SLC24A2: variants seen among roughly 807,000 people sequenced by gnomAD.
SLC24A2 encodes the protein solute carrier family 24 member 2.
SLC24A2 carries 36 observed loss-of-function variants against 62.0 expected under a neutral mutation model. That is an observed-to-expected ratio of 0.58 (90% CI 0.44 to 0.77). The LOEUF (loss-of-function observed/expected upper bound fraction) is 0.77. Among genes scored for constraint, SLC24A2 ranks in the 30% least tolerant of loss-of-function variants. The probability of loss-of-function intolerance (pLI) is 0.00; values close to 1 mark genes in which losing one functional copy is unlikely to be tolerated. For missense variants in SLC24A2, 846 were observed against 817.9 expected, an observed-to-expected ratio of 1.03 and a Z score of -0.42; for synonymous variants, 358 against 294.0, an observed-to-expected ratio of 1.22 and a Z score of -2.23.
chr9:20,212,772 A>T, the SLC24A2 span, among the ~76,000 whole-genome samples: 1 of 151,274 alleles, frequency 6.6e-6, no homozygotes, highest in Admixed American at 6.6e-5. Flanking sequence ...TAACAAAACA[A>T]GTATGTATAT....
the SLC24A2 span, among the ~76,000 whole-genome samples, chr9:20,066,782 A>C: frequency 6.6e-6 from 1 of 152,226 alleles, no homozygotes; most frequent in Non-Finnish European, 1.5e-5. Flanking sequence ...ACCTCCCCTC[A>C]GCAAAATGAC....
rs578065355 is a variant in SLC24A2 at position 19,516,445 on chromosome 9, G to T, written c.1737-43C>A. On this transcript the variant is annotated intron_variant, in intron 10 of 10. Transcript: ENST00000341998. ...AGGGCAGAGGGGAGTGGGAAGACAA[G>T]GGAGTAGTCAGACACGTTGAAGAAG... is the stretch of plus-strand genomic sequence containing the variant. The T allele has an allele frequency of 2.4e-5, 38 of 1,608,720 alleles. No individual in the cohort carries two copies. In the African/African-American group the frequency reaches 3.9e-4, roughly 16 times the overall value.
At chr9:20,282,239 G>T in the SLC24A2 span, among the ~76,000 whole-genome samples, 1 of 152,004 alleles carries the variant, frequency 6.6e-6, no homozygotes, top group Non-Finnish European at 1.5e-5. Flanking sequence ...TATCAAATAG[G>T]CCCCAAGAAA....
chr9:20,019,119 A>G, the SLC24A2 span, among the ~76,000 whole-genome samples: 104 of 56,898 alleles, frequency 1.8e-3, no homozygotes, highest in East Asian at 0.013. Context: ...GAAAGAAAGA[A>G]AGAAAGAAAG....
At chr9:20,140,812 G>C in the SLC24A2 span, among the ~76,000 whole-genome samples, 1 of 152,172 alleles carries the variant, frequency 6.6e-6, no homozygotes. Flanking sequence ...TACTGTGTGA[G>C]TCTGCTGCTA....
At chr9:20,273,332 G>T in the SLC24A2 span, among the ~76,000 whole-genome samples, 2 of 152,268 alleles carry the variant, frequency 1.3e-5, no homozygotes, top group South Asian at 2.1e-4. Context: ...CTTATTCCCA[G>T]AGAAAAGAAA....
the SLC24A2 span, among the ~76,000 whole-genome samples, chr9:20,207,149 T>C: frequency 6.6e-6 from 1 of 152,356 alleles, no homozygotes; most frequent in East Asian, 1.9e-4. Flanking sequence ...CTTTAGTACC[T>C]GAAATTTTCT....
the SLC24A2 span, among the ~76,000 whole-genome samples, chr9:20,282,257 C>T: frequency 6.6e-5 from 10 of 152,080 alleles, no homozygotes. Context: ...AAACCTTTTC[C>T]CAGAAAAGGA....
the SLC24A2 span, among the ~76,000 whole-genome samples, chr9:20,193,940 T>C: frequency 6.6e-6 from 1 of 152,096 alleles, no homozygotes; most frequent in African/African-American, 2.4e-5. Context: ...GACTTTAAGA[T>C]TTATCAAAGA....
chr9:20,117,433 T>C, the SLC24A2 span, among the ~76,000 whole-genome samples: 1 of 152,104 alleles, frequency 6.6e-6, no homozygotes, highest in Non-Finnish European at 1.5e-5. Context: ...AGCTATGTCT[T>C]TACTATGACA....
the SLC24A2 span, among the ~76,000 whole-genome samples, chr9:20,287,617 GAT>G: frequency 6.6e-6 from 1 of 152,304 alleles, no homozygotes; most frequent in South Asian, 2.1e-4. Context: ...TAGTGCTAGG[GAT>G]ATGTTGATGA....
At chr9:19,794,880 A>T in the SLC24A2 span, among the ~76,000 whole-genome samples, 192 of 152,270 alleles carry the variant, frequency 1.3e-3, no homozygotes, top group African/African-American at 4.3e-3. Context: ...GACTCAAAAA[A>T]AAAAAAATAA....
intron 2 of SLC24A2, among the ~76,000 whole-genome samples, chr9:19,683,074 C>G (rs1885228): frequency 0.061 from 9,337 of 152,004 alleles, 323 homozygotes; most frequent in Middle Eastern, 0.15. Context: ...AATGCTGATG[C>G]AAAATTTCAG....
the SLC24A2 span, among the ~76,000 whole-genome samples, chr9:20,208,842 G>C: frequency 6.6e-6 from 1 of 152,188 alleles, no homozygotes; most frequent in South Asian, 2.1e-4. Context: ...AGAAACAGGA[G>C]GAATATTAAC....
intron 5 of SLC24A2, among the ~76,000 whole-genome samples, chr9:19,578,401 G>T (rs760757457): frequency 6.7e-6 from 1 of 148,220 alleles, no homozygotes; most frequent in Admixed American, 6.7e-5. Flanking sequence ...AGAGATTAGG[G>T]AAACAGCACA....
At chr9:19,696,829 G>C (rs1457416998) in intron 2 of SLC24A2, among the ~76,000 whole-genome samples, 1 of 152,044 alleles carries the variant, frequency 6.6e-6, no homozygotes, top group Non-Finnish European at 1.5e-5. Context: ...TAAAACATTT[G>C]TAATTTAATT....
At chr9:19,532,147 A>G (rs1036913302) in intron 8 of SLC24A2, among the ~76,000 whole-genome samples, 1 of 152,114 alleles carries the variant, frequency 6.6e-6, no homozygotes, top group Non-Finnish European at 1.5e-5. Context: ...CAATGGTGCA[A>G]TCTTGGCTCA....
chr9:19,661,424 T>C (rs1227988108), intron 2 of SLC24A2, among the ~76,000 whole-genome samples: 1 of 152,152 alleles, frequency 6.6e-6, no homozygotes, highest in Non-Finnish European at 1.5e-5. Context: ...GGGTCTTGCT[T>C]TATCATCTTT....
intron 2 of SLC24A2, among the ~76,000 whole-genome samples, chr9:19,771,807 T>C (rs2118895427): frequency 6.6e-6 from 1 of 152,344 alleles, no homozygotes; most frequent in Middle Eastern, 3.4e-3. Context: ...AGATCATTAC[T>C]GCTATTGTTA....
Sources: gnomAD v4.1 joint callset for allele counts (sites outside exome capture counted in the v4.1 genomes callset) on GRCh38, gnomAD v4.1.1 for gene constraint, MANE v1.5 for transcripts, NCBI Gene and HGNC (gene_info 2026-07-23, HGNC 2026-07-21) for gene names.